SRPK2: variants seen among roughly 807,000 people sequenced by gnomAD.
SRPK2 encodes the protein SRSF protein kinase 2.
SRPK2 carries 21 observed loss-of-function variants against 90.8 expected under a neutral mutation model. The observed-to-expected ratio is 0.23, with a 90% CI of 0.16 to 0.33. The LOEUF (loss-of-function observed/expected upper bound fraction) is 0.33. Ranked by LOEUF, SRPK2 falls within the 10% of genes least tolerant of loss-of-function variation. The probability of loss-of-function intolerance (pLI) is 1.00; values close to 1 mark genes in which losing one functional copy is unlikely to be tolerated. For synonymous variants in SRPK2, 288 were observed against 311.1 expected (o/e 0.93, Z 0.78); for missense variants, 620 against 869.0 (o/e 0.71, Z 3.60).
rs1028722263 is a variant in SRPK2 at position 105,132,985 on chromosome 7, G to A, written c.1644+19C>T. 5 of 1,613,784 alleles carry A rather than the reference G, an allele frequency of 3.1e-6. No homozygotes were observed. In the African/African-American group the frequency reaches 6.7e-5, roughly 22 times the overall value. On this transcript the variant is annotated intron_variant, in intron 12 of 15. Coordinates refer to ENST00000393651, the MANE Select transcript of SRPK2 (RefSeq NM_182692.3). Reference sequence around the variant, plus strand: ...CACAGAATCAAGACCAAAGGTTTTAGAAAGAAAACTCTACTTACCACCCAA... The same window carrying A: ...CACAGAATCAAGACCAAAGGTTTTAAAAAGAAAACTCTACTTACCACCCAA...
chr7:105,221,529 CA>C (rs1798093279), intron 2 of SRPK2, among the ~76,000 whole-genome samples: 1 of 152,186 alleles, frequency 6.6e-6, no homozygotes, highest in Non-Finnish European at 1.5e-5. Flanking sequence ...ACACCAACGC[CA>C]AATGCTACTT....
chr7:105,147,629 AT>A (rs1476129768), intron 7 of SRPK2, among the ~76,000 whole-genome samples: 8 of 152,160 alleles, frequency 5.3e-5, no homozygotes, highest in Admixed American at 5.2e-4. Flanking sequence ...TACCACCACT[AT>A]TTAAATGACA....
intron 2 of SRPK2, among the ~76,000 whole-genome samples, chr7:105,307,555 T>C (rs891282506): frequency 6.6e-6 from 1 of 152,160 alleles, no homozygotes; most frequent in Non-Finnish European, 1.5e-5. Flanking sequence ...TATTAAACTC[T>C]CACCTTTAAA....
At chr7:105,157,407 C>A (rs1380845451) in intron 7 of SRPK2, among the ~76,000 whole-genome samples, 1 of 152,204 alleles carries the variant, frequency 6.6e-6, no homozygotes, top group Non-Finnish European at 1.5e-5. Flanking sequence ...AATAAAAAAT[C>A]TTCCTAGTAC....
At chr7:105,146,182 G>A (rs1804600647) in intron 8 of SRPK2, among the ~76,000 whole-genome samples, 1 of 152,180 alleles carries the variant, frequency 6.6e-6, no homozygotes, top group Non-Finnish European at 1.5e-5. Context: ...CTAAAGGTCA[G>A]CTACAGGAAA....
At chr7:105,184,947 T>C (rs974180483) in intron 3 of SRPK2, among the ~76,000 whole-genome samples, 2 of 152,182 alleles carry the variant, frequency 1.3e-5, no homozygotes, top group African/African-American at 4.8e-5. Context: ...CCTTGTTTCA[T>C]GGGCAAAGGA....
At chr7:105,160,041 T>G (rs1215759498) in intron 7 of SRPK2, among the ~76,000 whole-genome samples, 2 of 152,208 alleles carry the variant, frequency 1.3e-5, no homozygotes, top group Non-Finnish European at 2.9e-5. Context: ...ATAGTCATCA[T>G]ACTGTCTATT....
chr7:105,212,821 T>C (rs1448508826), intron 2 of SRPK2, among the ~76,000 whole-genome samples: 1 of 152,234 alleles, frequency 6.6e-6, no homozygotes, highest in Non-Finnish European at 1.5e-5. Flanking sequence ...TATCCATGCA[T>C]TCCGCATCCA....
At position 105,117,922 on chromosome 7, in the gene SRPK2, A is replaced by G. The variant is rs1209396633; in HGVS notation, c.2016T>C (p.Asp672=). 6.2e-7 allele frequency: 1 copy of G among 1,614,164 alleles called. No individual in the cohort carries two copies. Among genetic ancestry groups the G allele is most frequent in the African/African-American group, 1.3e-5 (1 of 75,052 alleles). The change falls in exon 16 of 16, where the codon GAT becomes GAC. Residue 672 remains aspartate (D), a synonymous_variant. Coordinates refer to ENST00000393651, the MANE Select transcript of SRPK2 (RefSeq NM_182692.3). ...WPHEDAAQFT[D]FLIPMLEMVP... ...CCATTTCTAACATCGGGATCAGGAA[A>G]TCTGTAAACTGTGCAGCATCTTCAT...
intron 2 of SRPK2, among the ~76,000 whole-genome samples, chr7:105,379,421 G>T (rs567875551): frequency 2.0e-5 from 3 of 151,910 alleles, no homozygotes; most frequent in Non-Finnish European, 4.4e-5. Context: ...GTTATTTGAG[G>T]GTGTCCCAGA....
intron 2 of SRPK2, among the ~76,000 whole-genome samples, chr7:105,367,181 C>A (rs1165980781): frequency 6.6e-6 from 1 of 152,044 alleles, no homozygotes; most frequent in Non-Finnish European, 1.5e-5. Flanking sequence ...GCCACCACAC[C>A]TGGCAGAGAT....
intron 3 of SRPK2, among the ~76,000 whole-genome samples, chr7:105,194,643 A>G (rs1255402518): frequency 1.3e-5 from 2 of 152,240 alleles, no homozygotes; most frequent in Admixed American, 6.5e-5. Context: ...ATGGGTTGGA[A>G]GATTCAATAT....
chr7:105,142,857 A>C (rs1291693116), intron 10 of SRPK2, among the ~76,000 whole-genome samples: 1 of 152,256 alleles, frequency 6.6e-6, no homozygotes, highest in Non-Finnish European at 1.5e-5. Context: ...GGAATTTCTC[A>C]ATTATTTTAC....
chr7:105,210,157 C>A (rs1482111781), intron 2 of SRPK2, among the ~76,000 whole-genome samples: 1 of 152,182 alleles, frequency 6.6e-6, no homozygotes. Context: ...AAAATAAACT[C>A]TACATTTAGT....
At chr7:105,139,798 T>C (rs1803433760) in intron 11 of SRPK2, among the ~76,000 whole-genome samples, 1 of 152,192 alleles carries the variant, frequency 6.6e-6, no homozygotes, top group Non-Finnish European at 1.5e-5. Flanking sequence ...GGTAGCCATT[T>C]CTTTCTTTTG....
chr7:105,218,799 G>A (rs1486192508), intron 2 of SRPK2, among the ~76,000 whole-genome samples: 1 of 152,018 alleles, frequency 6.6e-6, no homozygotes, highest in African/African-American at 2.4e-5. Context: ...AGCATGACTG[G>A]GGACTGAGTG....
chr7:105,120,670 T>C (rs1020666126), intron 15 of SRPK2, among the ~76,000 whole-genome samples: 3 of 150,188 alleles, frequency 2.0e-5, no homozygotes, highest in African/African-American at 7.3e-5. Context: ...AAAAAAAATG[T>C]GTGGACTTTT....
chr7:105,206,288 A>G (rs991467264), intron 2 of SRPK2: 4 of 252,180 alleles, frequency 1.6e-5, no homozygotes, highest in African/African-American at 4.5e-5. Flanking sequence ...CTTTACCTCA[A>G]TGGAGTAGAC....
intron 2 of SRPK2, among the ~76,000 whole-genome samples, chr7:105,305,608 T>C (rs1811061526): frequency 6.6e-6 from 1 of 152,170 alleles, no homozygotes; most frequent in Non-Finnish European, 1.5e-5. Flanking sequence ...AGAGTCAGTG[T>C]TGAATTACCC....
Sources: allele counts gnomAD v4.1 joint callset (sites outside exome capture counted in the v4.1 genomes callset), GRCh38; gene constraint gnomAD v4.1.1; transcripts MANE v1.5; gene names NCBI Gene and HGNC (gene_info 2026-07-23, HGNC 2026-07-21).